MPP2: variants seen among roughly 807,000 people sequenced by gnomAD.
MPP2 encodes MAGUK p55 scaffold protein 2, also known as MAGUK p55 subfamily member 2.
Under a neutral mutation model 58.5 loss-of-function variants are expected in MPP2, and 42 were observed. The observed-to-expected ratio is 0.72, with a 90% CI of 0.56 to 0.93. The LOEUF is 0.93. Ranked by LOEUF, MPP2 falls within the 40% of genes least tolerant of loss-of-function variation. The probability of loss-of-function intolerance (pLI) is 0.00; values close to 1 mark genes in which losing one functional copy is unlikely to be tolerated. For synonymous variants in MPP2, 300 were observed against 307.8 expected (o/e 0.97, Z 0.26); for missense variants, 632 against 760.4 (o/e 0.83, Z 1.99).
At chr17:43,878,446 C>T (rs955490024) in intron 12 of MPP2, among the ~76,000 whole-genome samples, 1 of 152,196 alleles carries the variant, frequency 6.6e-6, no homozygotes, top group Admixed American at 6.5e-5. Context: ...AGGGCAACCC[C>T]ACCCTCGACC....
Position 43,879,833 on chromosome 17 carries a change from G to C in MPP2, c.1302C>G (p.Ile434Met). 1 of 1,613,962 alleles carries C rather than the reference G, an allele frequency of 6.2e-7. No individual in the cohort carries two copies. The highest frequency in any genetic ancestry group is 8.5e-7 in the Non-Finnish European group (1 of 1,179,966). The stretch of plus-strand genomic sequence containing the variant: ...CCTTCCCAGCAGCGACCACGCCCCG[G>C]ATGGAGTCAATACGTGTGCCATACA... ...GNLYGTRIDS[I>M]RGVVAAGKVC... is the part of the protein sequence containing the mutation. The change falls in exon 11 of 13, where the codon ATC becomes ATG. Residue 434 changes from isoleucine (I) to methionine (M), a missense_variant. Ile to Met is a conservative substitution (Grantham distance 10, BLOSUM62 1). Coordinates refer to ENST00000269095, the MANE Select transcript of MPP2 (RefSeq NM_005374.5). The surrounding 1 kb of genome is among the most constrained non-coding windows in gnomAD (Gnocchi z 4.1).
rs556510883 is a variant in MPP2, at chr17:43,880,513, C to A, written c.1150+178G>T. On this transcript the variant is annotated intron_variant, in intron 10 of 12. Coordinates refer to ENST00000269095, the MANE Select transcript of MPP2 (RefSeq NM_005374.5). This position sits in a 1 kb window ranked among gnomAD's most constrained non-coding sequence, Gnocchi z 5.2. Reference sequence around the variant, plus strand: ...ACCTGTTGGCTGGACACCTCCCTCACCCTTCCTGAGCCTGAAGTTCCCCTA... The same window carrying A: ...ACCTGTTGGCTGGACACCTCCCTCAACCTTCCTGAGCCTGAAGTTCCCCTA... 5.1e-4 allele frequency among the ~76,000 whole-genome samples: 77 copies of A among 152,340 alleles called. No individual in the cohort carries two copies. Among genetic ancestry groups the A allele is most frequent in the Admixed American group, 1.7e-3 (26 of 15,310 alleles).
chr17:43,904,504 G>A lies in MPP2; in HGVS notation c.-33-11C>T. ...TCTGAAACGTCTCTCCTGGAGAGGGGAGAGAGGAGGATGAGCAGATACAAG... is the reference window on the plus strand; with the variant it reads ...TCTGAAACGTCTCTCCTGGAGAGGGAAGAGAGGAGGATGAGCAGATACAAG... On this transcript the variant is annotated splice_polypyrimidine_tract_variant and intron_variant, in intron 1 of 12. Transcript: ENST00000269095. 1 of 1,613,154 alleles carries A rather than the reference G, an allele frequency of 6.2e-7. No homozygotes were observed. Among genetic ancestry groups the A allele is most frequent in the South Asian group, 1.1e-5 (1 of 91,022 alleles).
At position 43,880,954 on chromosome 17, in the gene MPP2, G is replaced by T. The variant is rs1411048285; in HGVS notation, c.989-102C>A. The stretch of plus-strand genomic sequence containing the variant: ...AAGAGGGCTTGGAACAGGGGAGCAG[G>T]GGGGAGTCGGGCAGGGCCTAGGGAC... On this transcript the variant is annotated intron_variant, in intron 9 of 12. Coordinates refer to ENST00000269095, the MANE Select transcript of MPP2 (RefSeq NM_005374.5). This position sits in a 1 kb window ranked among gnomAD's most constrained non-coding sequence, Gnocchi z 5.2. The T allele has an allele frequency of 2.0e-6, 3 of 1,526,186 alleles. No homozygotes were observed. Among genetic ancestry groups the T allele is most frequent in the African/African-American group, 1.4e-5 (1 of 73,026 alleles). 94.5% of individuals were successfully genotyped at this position (1,526,186 alleles called of 1,614,324 possible).
At position 43,882,498 on chromosome 17, in the gene MPP2, C is replaced by T. The variant is rs1205585232; in HGVS notation, c.467G>A (p.Arg156His). 10 of 1,603,850 alleles carry T rather than the reference C, an allele frequency of 6.2e-6. No individual in the cohort carries two copies. Among genetic ancestry groups the T allele is most frequent in the African/African-American group, 1.3e-5 (1 of 74,920 alleles). ...GATCACCAGCTCGCCGCCCTCCACG[C>T]GGAACGTTACACCCTGGAGGTCAGA... ...TAGEHLGVTFRVEGGELVIAR... is the reference protein window; with the variant it reads ...TAGEHLGVTFHVEGGELVIAR... The change falls in exon 6 of 13, where the codon CGC (arginine) becomes CAC (histidine). Residue 156 changes from arginine (R) to histidine (H), a missense_variant. Arg to His is a conservative substitution (Grantham distance 29). Transcript: ENST00000269095.
At position 43,880,060 on chromosome 17, in the gene MPP2, A is replaced by G; in HGVS notation, c.1151-76T>C. ...GCCTCAGACACATATATGCACCCCT[A>G]CCCAGGCCCCCGTTTCCCAGCCTTG... On this transcript the variant is annotated intron_variant, in intron 10 of 12. Transcript: ENST00000269095. This position sits in a 1 kb window ranked among gnomAD's most constrained non-coding sequence, Gnocchi z 5.2. The G allele has an allele frequency of 1.4e-6, 2 of 1,421,950 alleles. No individual in the cohort carries two copies. Among genetic ancestry groups the G allele is most frequent in the Non-Finnish European group, 2.0e-6 (2 of 1,021,748 alleles). The allele number at this position is 1,421,950 out of a possible 1,614,324, so 88.1% of individuals were successfully genotyped here.
At chr17:43,908,995 G>A (rs2048376301), upstream of MPP2, among the ~76,000 whole-genome samples, 1 of 152,186 alleles carries the variant, frequency 6.6e-6, no homozygotes, top group Non-Finnish European at 1.5e-5. Context: ...AACAAAGAGG[G>A]TTCTTGGAGC....
intron 3 of MPP2, among the ~76,000 whole-genome samples, chr17:43,887,936 A>G (rs1399386186): frequency 6.6e-6 from 1 of 152,194 alleles, no homozygotes; most frequent in Non-Finnish European, 1.5e-5. Context: ...GATGTACTCC[A>G]AAACAATGGA....
At chr17:43,891,357 T>TA (rs1245696896) in intron 3 of MPP2, among the ~76,000 whole-genome samples, 2 of 151,728 alleles carry the variant, frequency 1.3e-5, no homozygotes, top group Non-Finnish European at 2.9e-5. Flanking sequence ...CCATCTCTAC[T>TA]AAAAATACAC....
At chr17:43,884,241 T>C in intron 3 of MPP2, 1 of 622,960 alleles carries the variant, frequency 1.6e-6, no homozygotes, top group Non-Finnish European at 2.9e-6. Context: ...AAAGTATCCT[T>C]TATAATTTTA....
At position 43,877,334 on chromosome 17, in the gene MPP2, A is replaced by T. The variant is rs1460569844; in HGVS notation, c.*473T>A. Reference sequence around the variant, plus strand: ...GCGGGCCACACATTCCCCTGGTCACACGGAAACAGCCCAAGGCCTGTTCCT... The same window carrying T: ...GCGGGCCACACATTCCCCTGGTCACTCGGAAACAGCCCAAGGCCTGTTCCT... On this transcript the variant is annotated 3_prime_UTR_variant, in exon 13 of 13. Transcript: ENST00000269095. 1.9e-5 allele frequency: 3 copies of T among 154,050 alleles called. No individual in the cohort carries two copies. The highest frequency in any genetic ancestry group is 4.3e-5 in the Non-Finnish European group (3 of 69,084). The allele number at this position is 154,050 out of a possible 1,614,324, so 9.5% of individuals were successfully genotyped here. A position where few individuals can be genotyped will look rare whatever the true frequency, so the allele number is the denominator to read the frequency against.
intron 3 of MPP2, among the ~76,000 whole-genome samples, chr17:43,889,279 A>G (rs904194337): frequency 5.3e-5 from 8 of 151,922 alleles, no homozygotes; most frequent in Non-Finnish European, 8.8e-5. Flanking sequence ...CCACCACCCA[A>G]ACTAAAAAAC....
rs535812148 is a variant in MPP2, at chr17:43,881,029, G to C, written c.988+61C>G. ...CACACGTCGTCACAGGTGATGGGTG[G>C]GGACAGGGAAAGGCATGCCATGTTA... On this transcript the variant is annotated intron_variant, in intron 9 of 12. Transcript: ENST00000269095. 5 of 1,586,692 alleles carry C rather than the reference G, an allele frequency of 3.2e-6. No individual in the cohort carries two copies. In the South Asian group the frequency reaches 5.6e-5, roughly 18 times the overall value.
At chr17:43,889,267 AC>A (rs1425530850) in intron 3 of MPP2, among the ~76,000 whole-genome samples, 1 of 151,850 alleles carries the variant, frequency 6.6e-6, no homozygotes, top group Non-Finnish European at 1.5e-5. Context: ...ATCTAAGAGA[AC>A]CCACCACCCA....
intron 2 of MPP2, chr17:43,900,744 C>T: frequency 5.8e-6 from 6 of 1,042,088 alleles, no homozygotes; most frequent in East Asian, 2.7e-5. Flanking sequence ...CTGCGCGGTG[C>T]AGAGCAGGCG....
At chr17:43,899,264 A>G (rs994145139) in intron 2 of MPP2, among the ~76,000 whole-genome samples, 1 of 152,028 alleles carries the variant, frequency 6.6e-6, no homozygotes, top group Non-Finnish European at 1.5e-5. Context: ...AAAAAAAGAA[A>G]AAGAAAAGAA....
intron 1 of MPP2, chr17:43,907,245 C>T (rs1043409036): frequency 2.0e-6 from 2 of 985,414 alleles, no homozygotes; most frequent in Admixed American, 1.2e-4. Flanking sequence ...GAGCCCCTAC[C>T]GCAGGGGCGG....
chr17:43,886,169 T>C (rs1299519970), intron 3 of MPP2, among the ~76,000 whole-genome samples: 4 of 152,076 alleles, frequency 2.6e-5, no homozygotes, highest in Non-Finnish European at 5.9e-5. Context: ...ACACTGTATA[T>C]ACCCTTTGAT....
At chr17:43,904,333 G>C in intron 2 of MPP2, 97 bp downstream of exon 2, 1 of 1,143,690 alleles carries the variant, frequency 8.7e-7, no homozygotes, top group East Asian at 2.4e-5. Flanking sequence ...GGAGCCAGTT[G>C]GTTCTTATCT....
Sources: gnomAD v4.1 joint callset for allele counts (sites outside exome capture counted in the v4.1 genomes callset) on GRCh38, gnomAD v4.1.1 for gene constraint, Gnocchi (gnomAD v3.1) non-coding constraint, MANE v1.5 for transcripts, NCBI Gene and HGNC (gene_info 2026-07-23, HGNC 2026-07-21) for gene names.